Variants in ZNF475 observed in about 807,000 individuals in gnomAD.
The protein encoded by ZNF475 is zinc finger protein 475.
the ZNF475 span, among the ~76,000 whole-genome samples, chr5:122,173,564 T>C: frequency 6.6e-6 from 1 of 152,246 alleles, no homozygotes; most frequent in African/African-American, 2.4e-5. Flanking sequence ...CCTAAAGCAT[T>C]GAACATGAAG....
the ZNF475 span, chr5:122,179,599 G>GT: frequency 1.3e-6 from 2 of 1,528,704 alleles, no homozygotes; most frequent in Admixed American, 4.0e-5. Flanking sequence ...ATTTGTGGTC[G>GT]TGAATATGGA....
the ZNF475 span, among the ~76,000 whole-genome samples, chr5:122,161,766 C>G: frequency 6.6e-6 from 1 of 152,098 alleles, no homozygotes; most frequent in Non-Finnish European, 1.5e-5. Context: ...ACCTAGAAGC[C>G]AACTGGCATA....
the ZNF475 span, among the ~76,000 whole-genome samples, chr5:122,166,962 A>G: frequency 0.012 from 1,862 of 152,300 alleles, 28 homozygotes; most frequent in African/African-American, 0.042. Flanking sequence ...TTTTGTTGCC[A>G]TTGCTTTTGG....
the ZNF475 span, chr5:122,160,407 T>C: frequency 2.0e-6 from 1 of 505,070 alleles, no homozygotes; most frequent in African/African-American, 2.0e-5. Flanking sequence ...ATGAGTGAAA[T>C]TGACATGTAG....
At chr5:122,172,904 G>C in the ZNF475 span, among the ~76,000 whole-genome samples, 1 of 152,086 alleles carries the variant, frequency 6.6e-6, no homozygotes, top group Non-Finnish European at 1.5e-5. Context: ...ATGGTGGCAG[G>C]CACCTGTTGA....
chr5:122,160,293 G>A, the ZNF475 span: 3 of 1,288,656 alleles, frequency 2.3e-6, no homozygotes, highest in Non-Finnish European at 3.0e-6. Flanking sequence ...CTACATTGTT[G>A]GCTCCAGAAG....
the ZNF475 span, among the ~76,000 whole-genome samples, chr5:122,172,824 G>GA: frequency 6.6e-6 from 1 of 152,152 alleles, no homozygotes; most frequent in Non-Finnish European, 1.5e-5. Context: ...ACGAGGTCAG[G>GA]AGATCGAGAC....
the ZNF475 span, among the ~76,000 whole-genome samples, chr5:122,178,340 A>T: frequency 6.6e-6 from 1 of 152,212 alleles, no homozygotes; most frequent in African/African-American, 2.4e-5. Flanking sequence ...AGAATGGTTG[A>T]ACTAATTTAT....
the ZNF475 span, chr5:122,179,404 C>T: frequency 5.7e-6 from 2 of 352,704 alleles, no homozygotes; most frequent in South Asian, 7.7e-5. Context: ...TGTTTGTGTC[C>T]TCTCTTATTT....
the ZNF475 span, among the ~76,000 whole-genome samples, chr5:122,177,253 C>T: frequency 6.6e-5 from 10 of 152,180 alleles, no homozygotes; most frequent in Non-Finnish European, 1.2e-4. Flanking sequence ...TCAAAAAAGG[C>T]AAAGAATCAC....
At chr5:122,164,974 T>C in the ZNF475 span, among the ~76,000 whole-genome samples, 2 of 152,122 alleles carry the variant, frequency 1.3e-5, no homozygotes. Context: ...TGGACTGAGA[T>C]GAAAGGGGCA....
At chr5:122,180,298 C>T in the ZNF475 span, among the ~76,000 whole-genome samples, 1 of 152,178 alleles carries the variant, frequency 6.6e-6, no homozygotes, top group African/African-American at 2.4e-5. Flanking sequence ...CAAGCAGCTG[C>T]CCAGTTCCAG....
chr5:122,167,347 G>GA, the ZNF475 span, among the ~76,000 whole-genome samples: 3 of 151,486 alleles, frequency 2.0e-5, no homozygotes. Flanking sequence ...TTAATGTCCT[G>GA]AAAAAAAAGT....
chr5:122,173,294 A>T, the ZNF475 span, among the ~76,000 whole-genome samples: 1 of 152,180 alleles, frequency 6.6e-6, no homozygotes, highest in Non-Finnish European at 1.5e-5. Flanking sequence ...GAGAAATCTG[A>T]ATCTATCTGA....
the ZNF475 span, chr5:122,179,435 C>G: frequency 2.1e-6 from 1 of 467,706 alleles, no homozygotes; most frequent in Non-Finnish European, 3.7e-6. Flanking sequence ...TGGTTTATAG[C>G]TCTCCTTGAA....
At chr5:122,182,445 T>A in the ZNF475 span, 1 of 1,359,894 alleles carries the variant, frequency 7.4e-7, no homozygotes, top group Non-Finnish European at 9.6e-7. Context: ...GTTTTTGGTA[T>A]TTTTTTTTCT....
chr5:122,165,367 C>G, the ZNF475 span, among the ~76,000 whole-genome samples: 4 of 152,206 alleles, frequency 2.6e-5, no homozygotes, highest in African/African-American at 4.8e-5. Flanking sequence ...CATTCACACT[C>G]CATCTGAGAG....
the ZNF475 span, among the ~76,000 whole-genome samples, chr5:122,173,040 A>G: frequency 6.6e-6 from 1 of 152,182 alleles, no homozygotes; most frequent in East Asian, 1.9e-4. Flanking sequence ...CTCAGAAAAA[A>G]AAAAAGAAAT....
the ZNF475 span, chr5:122,182,429 C>T: frequency 1.5e-6 from 2 of 1,306,960 alleles, no homozygotes; most frequent in South Asian, 1.7e-5. Context: ...TTTTTCTTTC[C>T]CTTTTGTTTT....
Sources: allele counts gnomAD v4.1 joint callset (sites outside exome capture counted in the v4.1 genomes callset), GRCh38; gene constraint gnomAD v4.1.1; transcripts MANE v1.5; gene names NCBI Gene and HGNC (gene_info 2026-07-23, HGNC 2026-07-21).